The following RALGAPA2 variants were observed in gnomAD, a reference collection of about 807,000 sequenced individuals.
RALGAPA2 encodes Ral GTPase activating protein catalytic subunit alpha 2.
Under a neutral mutation model 230.4 loss-of-function variants are expected in RALGAPA2, and 139 were observed. That is an observed-to-expected ratio of 0.60 (90% CI 0.53 to 0.69). RALGAPA2 has a LOEUF of 0.69. Ranked by LOEUF, RALGAPA2 falls within the 30% of genes least tolerant of loss-of-function variation. RALGAPA2 has a pLI of 0.00. For missense variants in RALGAPA2, 2,163 were observed against 2,276.0 expected (o/e 0.95, Z 1.01); for synonymous variants, 847 against 837.8 (o/e 1.01, Z -0.19).
chr20:20,402,350 C>A (rs554432831), intron 38 of RALGAPA2, among the ~76,000 whole-genome samples: 1 of 152,386 alleles, frequency 6.6e-6, no homozygotes, highest in East Asian at 1.9e-4. Flanking sequence ...AGCCTTGCCT[C>A]CCATCCTTGC....
At position 20,640,710 on chromosome 20, in the gene RALGAPA2, C is replaced by T; in HGVS notation, c.541G>A (p.Val181Ile). The T allele has an allele frequency of 1.2e-6, 2 of 1,612,066 alleles. No individual in the cohort carries two copies. Among genetic ancestry groups the T allele is most frequent in the Non-Finnish European group, 1.7e-6 (2 of 1,178,672 alleles). Residue 181 changes from valine to isoleucine, a missense_variant, in exon 6 of 40, where the codon GTA becomes ATA. Coordinates refer to ENST00000202677, the MANE Select transcript of RALGAPA2 (RefSeq NM_020343.4). The stretch of plus-strand genomic sequence containing the variant: ...TGCTAACATAACTTACCATCAGCTA[C>T]ACTAGGGCTGGGATTGATGAGTGTC... ...LETLINPSPS[V>I]ADVKIYPEEI...
intron 37 of RALGAPA2, among the ~76,000 whole-genome samples, chr20:20,438,871 T>C (rs2123039723): frequency 6.6e-6 from 1 of 152,318 alleles, no homozygotes; most frequent in South Asian, 2.1e-4. Flanking sequence ...GGCTGAGAAA[T>C]AAATCCTTTA....
intron 37 of RALGAPA2, among the ~76,000 whole-genome samples, chr20:20,413,103 TAA>T (rs1001460643): frequency 6.6e-6 from 1 of 152,234 alleles, no homozygotes; most frequent in African/African-American, 2.4e-5. Context: ...ATGCAAAAGT[TAA>T]AAGACATGTT....
chr20:20,505,227 G>A, intron 34 of RALGAPA2, 184 bp downstream of exon 34: 2 of 954,204 alleles, frequency 2.1e-6, no homozygotes, highest in Non-Finnish European at 2.5e-6. Context: ...GAAAACAAAA[G>A]TTCATGTATT....
chr20:20,440,212 C>T (rs1222140538), intron 37 of RALGAPA2, among the ~76,000 whole-genome samples: 2 of 152,050 alleles, frequency 1.3e-5, no homozygotes, highest in Non-Finnish European at 2.9e-5. Context: ...AATGACCTGG[C>T]CCAGAATACA....
chr20:20,630,388 A>G (rs140491815), intron 9 of RALGAPA2, among the ~76,000 whole-genome samples: 35 of 152,358 alleles, frequency 2.3e-4, no homozygotes, highest in African/African-American at 7.5e-4. Flanking sequence ...ATTTTTTACA[A>G]GAAGAGACAA....
chr20:20,669,368 T>C (rs2068060719), intron 3 of RALGAPA2, among the ~76,000 whole-genome samples: 1 of 152,218 alleles, frequency 6.6e-6, no homozygotes, highest in African/African-American at 2.4e-5. Context: ...GGGGCCTCAA[T>C]GACATAGGAA....
intron 20 of RALGAPA2, among the ~76,000 whole-genome samples, chr20:20,581,423 GTAATTT>G (rs1174059374): frequency 2.6e-5 from 4 of 152,150 alleles, no homozygotes; most frequent in African/African-American, 9.7e-5. Context: ...GGGCTTTACA[GTAATTT>G]TAATTTTAAC....
At chr20:20,416,662 T>A (rs1334488072) in intron 37 of RALGAPA2, among the ~76,000 whole-genome samples, 1 of 152,230 alleles carries the variant, frequency 6.6e-6, no homozygotes, top group East Asian at 1.9e-4. Context: ...TCATGCTGAC[T>A]TTATAAAATA....
chr20:20,476,394 G>A (rs1345659634), intron 36 of RALGAPA2, among the ~76,000 whole-genome samples: 1 of 151,820 alleles, frequency 6.6e-6, no homozygotes, highest in Non-Finnish European at 1.5e-5. Context: ...CAGAGTCCAA[G>A]AATAGAGCCA....
At chr20:20,508,790 G>GA (rs60839139) in intron 33 of RALGAPA2, among the ~76,000 whole-genome samples, 4,099 of 152,242 alleles carry the variant, frequency 0.027, 171 homozygotes, top group African/African-American at 0.094. Context: ...TCTTCAAAAA[G>GA]ATCTTGAAAA....
intron 37 of RALGAPA2, among the ~76,000 whole-genome samples, chr20:20,449,691 T>C (rs573002363): frequency 2.6e-5 from 4 of 152,318 alleles, no homozygotes; most frequent in African/African-American, 9.6e-5. Context: ...GCACATGAAC[T>C]TGCATGTCTG....
chr20:20,525,146 A>G (rs937208618), intron 28 of RALGAPA2, among the ~76,000 whole-genome samples: 25 of 152,218 alleles, frequency 1.6e-4, no homozygotes, highest in African/African-American at 5.8e-4. Context: ...AGAAAAGAGT[A>G]TTTCTCTCTG....
intron 38 of RALGAPA2, among the ~76,000 whole-genome samples, chr20:20,401,069 A>G (rs1166492239): frequency 3.3e-5 from 5 of 152,206 alleles, no homozygotes; most frequent in Non-Finnish European, 5.9e-5. Context: ...GCTGTTTAAA[A>G]GGGGGGATGA....
chr20:20,455,164 A>G (rs191739996), intron 37 of RALGAPA2, among the ~76,000 whole-genome samples: 2 of 152,366 alleles, frequency 1.3e-5, no homozygotes, highest in East Asian at 1.9e-4. Context: ...TGCTGCCTCC[A>G]CAGTCCCGTG....
chr20:20,416,925 T>A (rs1440469032), intron 37 of RALGAPA2, among the ~76,000 whole-genome samples: 4 of 152,188 alleles, frequency 2.6e-5, no homozygotes, highest in Non-Finnish European at 5.9e-5. Flanking sequence ...CCTCCTGACA[T>A]CAGTGTGTGT....
At chr20:20,415,796 T>C (rs2060152939) in intron 37 of RALGAPA2, among the ~76,000 whole-genome samples, 1 of 152,212 alleles carries the variant, frequency 6.6e-6, no homozygotes, top group African/African-American at 2.4e-5. Flanking sequence ...TGGTTACATT[T>C]TATCAAAAAT....
At chr20:20,408,340 G>A (rs2059988104) in intron 38 of RALGAPA2, among the ~76,000 whole-genome samples, 1 of 152,014 alleles carries the variant, frequency 6.6e-6, no homozygotes, top group African/African-American at 2.4e-5. Flanking sequence ...AGTGATCTGG[G>A]GATTGATTGA....
At chr20:20,675,357 C>T (rs1214613046) in intron 3 of RALGAPA2, among the ~76,000 whole-genome samples, 1 of 152,054 alleles carries the variant, frequency 6.6e-6, no homozygotes, top group Non-Finnish European at 1.5e-5. Context: ...CAGAAAGCCC[C>T]TCACCATAAG....
Sources: gnomAD v4.1 joint callset for allele counts (sites outside exome capture counted in the v4.1 genomes callset) on GRCh38, gnomAD v4.1.1 for gene constraint, MANE v1.5 for transcripts, NCBI Gene and HGNC (gene_info 2026-07-23, HGNC 2026-07-21) for gene names.